Variants in PLD3 observed in about 807,000 individuals in gnomAD.
The protein encoded by PLD3 is phospholipase D family member 3, also known as 5'-3' exonuclease PLD3.
PLD3 carries 31 observed loss-of-function variants against 58.4 expected under a neutral mutation model. That is an observed-to-expected ratio of 0.53 (90% CI 0.40 to 0.72). The LOEUF (loss-of-function observed/expected upper bound fraction) is 0.72, where lower values mean the gene tolerates loss of function less well. Ranked by LOEUF, PLD3 falls within the 30% of genes least tolerant of loss-of-function variation. The pLI, the probability that PLD3 is intolerant of heterozygous loss-of-function variation, is 0.00. For synonymous variants in PLD3, 264 were observed against 273.4 expected (o/e 0.97, Z 0.34); for missense variants, 595 against 659.8 (o/e 0.90, Z 1.08).
At position 40,366,412 on chromosome 19, in the gene PLD3, C is replaced by G; in HGVS notation, c.-65-7C>G. Reference sequence around the variant, plus strand: ...ACCCCACACAGTGCCCACTTTTGTTCTGCCAGTTTGGAGACCCTGACACAC... The same window carrying G: ...ACCCCACACAGTGCCCACTTTTGTTGTGCCAGTTTGGAGACCCTGACACAC... On this transcript the variant is annotated splice_polypyrimidine_tract_variant and splice_region_variant and intron_variant, in intron 2 of 12. Transcript: ENST00000409735. 1 of 1,373,656 alleles carries G rather than the reference C, an allele frequency of 7.3e-7. No homozygotes were observed. The highest frequency in any genetic ancestry group is 1.0e-6 in the Non-Finnish European group (1 of 961,130). 85.1% of individuals were successfully genotyped at this position (1,373,656 alleles called of 1,614,324 possible).
chr19:40,362,584 C>T (rs1483297651), intron 1 of PLD3, among the ~76,000 whole-genome samples: 1 of 152,162 alleles, frequency 6.6e-6, no homozygotes, highest in Non-Finnish European at 1.5e-5. Context: ...TACACGTCCA[C>T]ACCATCATAC....
At position 40,376,715 on chromosome 19, in the gene PLD3, G is replaced by A. The variant is rs764403321; in HGVS notation, c.1126G>A (p.Ala376Thr). 1 of 1,603,006 alleles carries A rather than the reference G, an allele frequency of 6.2e-7. No homozygotes were observed. ...CWGHSEPSMR[A>T]FLLSLAALRD... ...GGGACACTCGGAGCCATCCATGCGG[G>A]CCTTCCTGCTCTCTCTGGCTGCCCT... The change falls in exon 11 of 13, where the codon GCC becomes ACC. Residue 376 changes from alanine (A) to threonine (T), a missense_variant. Transcript: ENST00000409735.
chr19:40,377,404 C>G (rs12977997), intron 11 of PLD3, among the ~76,000 whole-genome samples: 1 of 43,676 alleles, frequency 2.3e-5, no homozygotes, highest in Non-Finnish European at 4.9e-5. Flanking sequence ...TGGAGGAGGC[C>G]CAGGCAGAGG....
rs761647265 is a variant in PLD3 at position 40,378,296 on chromosome 19, C to G, written c.*123C>G. 1.1e-6 allele frequency: 1 copy of G among 886,596 alleles called. No homozygotes were observed. Among genetic ancestry groups the G allele is most frequent in the African/African-American group, 1.6e-5 (1 of 61,310 alleles). The allele number at this position is 886,596 out of a possible 1,614,324, so 54.9% of individuals were successfully genotyped here. On this transcript the variant is annotated 3_prime_UTR_variant, in exon 13 of 13. Transcript: ENST00000409735. ...CCCATTGTGGCTCCTCAGGCTCTCTCCCCTGCTCTCCCACCTCTACCTCCA... is the reference window on the plus strand; with the variant it reads ...CCCATTGTGGCTCCTCAGGCTCTCTGCCCTGCTCTCCCACCTCTACCTCCA...
At chr19:40,350,949 A>G (rs970254863) in intron 1 of PLD3, among the ~76,000 whole-genome samples, 6 of 151,968 alleles carry the variant, frequency 3.9e-5, no homozygotes, top group African/African-American at 1.5e-4. Context: ...AGGAGAAGAG[A>G]GAGTAGGGCT....
chr19:40,350,301 A>G (rs993305066), intron 1 of PLD3, among the ~76,000 whole-genome samples: 2 of 151,786 alleles, frequency 1.3e-5, no homozygotes, highest in Non-Finnish European at 2.9e-5. Context: ...ATCTTGGGCA[A>G]CTAACTTAAC....
intron 7 of PLD3, 32 bp downstream of exon 7, chr19:40,370,060 G>A: frequency 5.1e-6 from 8 of 1,576,366 alleles, no homozygotes; most frequent in Non-Finnish European, 6.9e-6. Context: ...GCTGGTCTGG[G>A]CCTGGGGGTA....
chr19:40,375,374 G>GA (rs2079168694), intron 10 of PLD3, among the ~76,000 whole-genome samples: 1 of 151,896 alleles, frequency 6.6e-6, no homozygotes, highest in Non-Finnish European at 1.5e-5. Context: ...CAACCGGCCG[G>GA]ACGTGGTGGC....
chr19:40,363,408 T>A (rs2078835041), intron 1 of PLD3, among the ~76,000 whole-genome samples: 1 of 144,800 alleles, frequency 6.9e-6, no homozygotes, highest in African/African-American at 2.6e-5. Flanking sequence ...TGCTGTTTCT[T>A]GCTAGATTTG....
intron 10 of PLD3, chr19:40,376,370 A>AGAAC: frequency 2.2e-6 from 1 of 460,766 alleles, no homozygotes; most frequent in Non-Finnish European, 3.8e-6. Context: ...AAAAAAAGAA[A>AGAAC]GAATAAAAGA....
chr19:40,348,977 A>G (rs1219563874), intron 1 of PLD3, among the ~76,000 whole-genome samples: 3 of 151,220 alleles, frequency 2.0e-5, no homozygotes, highest in African/African-American at 7.3e-5. Flanking sequence ...ATCCCACTTA[A>G]ATCCTCACAA....
At position 40,371,905 on chromosome 19, in the gene PLD3, C is replaced by T. The variant is rs745966728; in HGVS notation, c.879+32C>T. ...CTGGGGCAAGTGGGGCCTGTCATGT[C>T]CCAGCCCCATGCCGTCACTCACAGC... is the stretch of plus-strand genomic sequence containing the variant. On this transcript the variant is annotated intron_variant, in intron 9 of 12. Transcript: ENST00000409735. 8 of 1,555,130 alleles carry T rather than the reference C, an allele frequency of 5.1e-6. No homozygotes were observed. In the Admixed American group the frequency reaches 1.2e-4, roughly 23 times the overall value.
chr19:40,363,509 C>T (rs936721556), intron 1 of PLD3, among the ~76,000 whole-genome samples: 3 of 152,220 alleles, frequency 2.0e-5, no homozygotes, highest in Admixed American at 1.3e-4. Context: ...CAGCTCACTG[C>T]AACCTCTGCC....
chr19:40,372,373 T>C lies in PLD3; in HGVS notation c.879+500T>C, dbSNP rs2079087090. On this transcript the variant is annotated intron_variant, in intron 9 of 12. Transcript: ENST00000409735. ...CTAGCTGGGTTGGGTTGTGCATGCA[T>C]GTAGTCACAGCTACGCAGGAGGCTG... Among the ~76,000 whole-genome samples the C allele has an allele frequency of 2.6e-5, 4 of 152,024 alleles. No homozygotes were observed. In the South Asian group the frequency reaches 6.2e-4, roughly 24 times the overall value.
chr19:40,367,759 T>A lies in PLD3; in HGVS notation c.309T>A (p.Pro103=). The change falls in exon 6 of 13, where the codon CCT becomes CCA. Residue 103 remains proline (P), a synonymous_variant. Transcript: ENST00000409735. ...LDFPNASTGN[P]STSQAWLGLL... Reference sequence around the variant, plus strand: ...TCCCCAATGCCTCCACGGGGAACCCTTCCACCAGCCAGGCCTGGCTGGGCC... The same window carrying A: ...TCCCCAATGCCTCCACGGGGAACCCATCCACCAGCCAGGCCTGGCTGGGCC... 1 of 1,613,710 alleles carries A rather than the reference T, an allele frequency of 6.2e-7. No homozygotes were observed. Among genetic ancestry groups the A allele is most frequent in the South Asian group, 1.1e-5 (1 of 91,036 alleles).
At position 40,370,010 on chromosome 19, in the gene PLD3, C is replaced by T. The variant is rs1437296000; in HGVS notation, c.532C>T (p.Gln178Ter). 6.4e-7 allele frequency: 1 copy of T among 1,561,406 alleles called. No homozygotes were observed. Among genetic ancestry groups the T allele is most frequent in the East Asian group, 2.4e-5 (1 of 41,696 alleles). ...PSGPQPQADLQALLQSGAQVR... is the reference protein window; with the variant it reads ...PSGPQPQADL ...CGGGCCCCAGCCACAGGCGGACCTG[C>T]AGGCTCTGCTGCAGAGCGGTGAGCT... Residue 178 changes from glutamine to a stop codon, truncating the protein, a stop_gained, in exon 7 of 13, where the codon CAG (glutamine) becomes TAG (stop). Transcript: ENST00000409735. LOFTEE classifies it high-confidence loss of function.
chr19:40,377,427 G>A (rs2079258415), intron 11 of PLD3, among the ~76,000 whole-genome samples: 1 of 142,294 alleles, frequency 7.0e-6, no homozygotes. Context: ...TCAGGGCCAG[G>A]GTCGGGGGGC....
Position 40,378,035 on chromosome 19 carries a change from G to C in PLD3, c.1335G>C (p.Ser445=), listed in dbSNP as rs373001324. ...ACTTCACGGAGACGGCGGGCACCTCGCTGCTGGTGACGCAGAATGGGAGGG... is the reference window on the plus strand; with the variant it reads ...ACTTCACGGAGACGGCGGGCACCTCCCTGCTGGTGACGCAGAATGGGAGGG... ...GNYFTETAGT[S]LLVTQNGRGG... is the part of the protein sequence containing the mutation. Residue 445 remains serine (S), a synonymous_variant, in exon 13 of 13, where the codon TCG becomes TCC. Transcript: ENST00000409735. The C allele has an allele frequency of 6.2e-7, 1 of 1,613,666 alleles. No individual in the cohort carries two copies. Among genetic ancestry groups the C allele is most frequent in the Non-Finnish European group, 8.5e-7 (1 of 1,179,770 alleles).
At chr19:40,365,070 C>T (rs908826652) in intron 1 of PLD3, among the ~76,000 whole-genome samples, 1 of 152,238 alleles carries the variant, frequency 6.6e-6, no homozygotes, top group Non-Finnish European at 1.5e-5. Flanking sequence ...TTGCTTCTCT[C>T]AGTAATACTC....
Sources: allele counts gnomAD v4.1 joint callset (sites outside exome capture counted in the v4.1 genomes callset), GRCh38; gene constraint gnomAD v4.1.1; transcripts MANE v1.5; gene names NCBI Gene and HGNC (gene_info 2026-07-23, HGNC 2026-07-21).